SCNN1B: variants seen among roughly 807,000 people sequenced by gnomAD.
SCNN1B encodes epithelial sodium channel subunit beta.
A neutral mutation model predicts 65.3 loss-of-function variants in SCNN1B; 46 were observed. That is an observed-to-expected ratio of 0.70 (90% CI 0.56 to 0.90). The LOEUF (loss-of-function observed/expected upper bound fraction) is 0.90, where lower values mean the gene tolerates loss of function less well. SCNN1B is among the 40% of genes least tolerant of loss of function. The probability of loss-of-function intolerance (pLI) is 0.00; values close to 1 mark genes in which losing one functional copy is unlikely to be tolerated. For missense variants in SCNN1B, 751 were observed against 830.5 expected (o/e 0.90, Z 1.18); for synonymous variants, 349 against 330.6 (o/e 1.06, Z -0.60).
intron 4 of SCNN1B, among the ~76,000 whole-genome samples, chr16:23,365,902 G>A (rs1962659818): frequency 6.6e-6 from 1 of 152,240 alleles, no homozygotes; most frequent in South Asian, 2.1e-4. Flanking sequence ...TTCACAGCCT[G>A]TCCTGGACCC....
intron 1 of SCNN1B, among the ~76,000 whole-genome samples, chr16:23,343,930 G>T (rs900108513): frequency 1.3e-5 from 2 of 152,168 alleles, no homozygotes; most frequent in African/African-American, 4.8e-5. Context: ...CACCGTGGGG[G>T]TGAAATCTGA....
At chr16:23,351,919 C>A (rs1385621656) in intron 2 of SCNN1B, among the ~76,000 whole-genome samples, 6 of 152,204 alleles carry the variant, frequency 3.9e-5, no homozygotes, top group Non-Finnish European at 8.8e-5. Flanking sequence ...CCCACTGGAG[C>A]CCACCAAACC....
chr16:23,319,957 C>T (rs942365767), intron 1 of SCNN1B, among the ~76,000 whole-genome samples: 2 of 151,922 alleles, frequency 1.3e-5, no homozygotes, highest in Admixed American at 6.6e-5. Context: ...TTTGTAGTGA[C>T]GGGTGTCTCA....
At chr16:23,322,465 A>C (rs1050135666) in intron 1 of SCNN1B, among the ~76,000 whole-genome samples, 3 of 147,586 alleles carry the variant, frequency 2.0e-5, no homozygotes, top group African/African-American at 8.0e-5. Flanking sequence ...ATGCTTGGCT[A>C]ATTTTTTTTT....
chr16:23,308,463 C>A (rs1227809599), intron 1 of SCNN1B, among the ~76,000 whole-genome samples: 1 of 152,106 alleles, frequency 6.6e-6, no homozygotes, highest in Non-Finnish European at 1.5e-5. Flanking sequence ...TTTGAGGCTG[C>A]AGTGAGCCAT....
At chr16:23,323,732 C>CTAAG (rs1231996019) in intron 1 of SCNN1B, among the ~76,000 whole-genome samples, 1 of 152,124 alleles carries the variant, frequency 6.6e-6, no homozygotes, top group Non-Finnish European at 1.5e-5. Flanking sequence ...TAGAAGCCAG[C>CTAAG]TAAGGGTTGA....
chr16:23,329,521 G>A lies in SCNN1B; in HGVS notation c.-8-19071G>A, dbSNP rs142185520. ...TAATAAGAGCTGATGCACCCATAGTGCTGTGAACTACACATTGTTTTAAGC... is the reference window on the plus strand; with the variant it reads ...TAATAAGAGCTGATGCACCCATAGTACTGTGAACTACACATTGTTTTAAGC... On this transcript the variant is annotated intron_variant, in intron 1 of 12. Coordinates refer to ENST00000343070, the MANE Select transcript of SCNN1B (RefSeq NM_000336.3). Among the ~76,000 whole-genome samples the A allele has an allele frequency of 2.1e-3, 324 of 152,310 alleles. 2 individuals carry two copies. Among genetic ancestry groups the A allele is most frequent in the Non-Finnish European group, 3.6e-3 (244 of 68,032 alleles).
intron 4 of SCNN1B, 48 bp downstream of exon 4, chr16:23,355,537 C>T (rs747970994): frequency 1.3e-6 from 2 of 1,589,778 alleles, no homozygotes; most frequent in Non-Finnish European, 1.7e-6. Context: ...CACCGAGAGA[C>T]AGTGGCATGT....
intron 2 of SCNN1B, among the ~76,000 whole-genome samples, chr16:23,290,673 C>T (rs551756081): frequency 1.3e-5 from 2 of 152,154 alleles, no homozygotes; most frequent in South Asian, 2.1e-4. Flanking sequence ...TAAACCCCTA[C>T]GTGTAAAAAA....
chr16:23,337,543 A>G (rs1961969418), intron 1 of SCNN1B, among the ~76,000 whole-genome samples: 1 of 151,526 alleles, frequency 6.6e-6, no homozygotes, highest in African/African-American at 2.4e-5. Context: ...ATGCCCGGCT[A>G]ATTTTTGTAT....
chr16:23,322,284 A>G (rs897736669), intron 1 of SCNN1B, among the ~76,000 whole-genome samples: 1 of 152,064 alleles, frequency 6.6e-6, no homozygotes, highest in African/African-American at 2.4e-5. Flanking sequence ...TCGGAATGGC[A>G]TAAGCAATTT....
At chr16:23,291,310 G>A (rs1047281528) in intron 2 of SCNN1B, among the ~76,000 whole-genome samples, 6 of 151,970 alleles carry the variant, frequency 3.9e-5, no homozygotes, top group Non-Finnish European at 7.4e-5. Flanking sequence ...TGATCCACCT[G>A]CCTCAACCTC....
rs1349005914 is a variant in SCNN1B at position 23,375,777 on chromosome 16, A to T, written c.1192A>T (p.Asn398Tyr). The change falls in exon 8 of 13, where the codon AAC becomes TAC. Residue 398 changes from asparagine to tyrosine, a missense_variant. By Grantham distance (143) the Asn-to-Tyr change is moderately radical. Transcript: ENST00000343070. ...CTGCTTCCAAGACCACATGATCCGT[A>T]ACTGCAACTGTGGCCACTACCTGTA... ...RSCFQDHMIR[N>Y]CNCGHYLYPL... 3 of 1,614,102 alleles carry T rather than the reference A, an allele frequency of 1.9e-6. No individual in the cohort carries two copies. The highest frequency in any genetic ancestry group is 2.5e-6 in the Non-Finnish European group (3 of 1,179,978).
chr16:23,329,409 T>C (rs1459093996), intron 1 of SCNN1B, among the ~76,000 whole-genome samples: 1 of 152,210 alleles, frequency 6.6e-6, no homozygotes, highest in Non-Finnish European at 1.5e-5. Flanking sequence ...AACCACTGTA[T>C]CCAGCCTGTT....
At chr16:23,286,274 C>T (rs1037593398) in intron 2 of SCNN1B, among the ~76,000 whole-genome samples, 1 of 152,196 alleles carries the variant, frequency 6.6e-6, no homozygotes, top group Admixed American at 6.5e-5. Flanking sequence ...TTGACTCAGA[C>T]AATGATCATC....
chr16:23,318,919 C>G (rs530246313), intron 1 of SCNN1B, among the ~76,000 whole-genome samples: 7 of 152,322 alleles, frequency 4.6e-5, no homozygotes, highest in Non-Finnish European at 1.0e-4. Flanking sequence ...GTCAACATAA[C>G]CTTTTCATAG....
intron 4 of SCNN1B, chr16:23,358,497 AC>A (rs570917540): frequency 4.6e-5 from 7 of 152,270 alleles, no homozygotes; most frequent in Admixed American, 3.3e-4. Flanking sequence ...AGAGAACAAT[AC>A]CTACCCTACA....
intron 1 of SCNN1B, among the ~76,000 whole-genome samples, chr16:23,333,654 T>C (rs1486927210): frequency 6.6e-6 from 1 of 152,172 alleles, no homozygotes; most frequent in East Asian, 1.9e-4. Flanking sequence ...ACAGGTACTA[T>C]TATTCCCATT....
At chr16:23,333,197 G>GGAAGGAAA (rs1352626119) in intron 1 of SCNN1B, among the ~76,000 whole-genome samples, 1 of 115,764 alleles carries the variant, frequency 8.6e-6, no homozygotes, top group Non-Finnish European at 1.8e-5. Flanking sequence ...AAGGAAGGAA[G>GGAAGGAAA]GAAGGAAGGA....
Sources: allele counts gnomAD v4.1 joint callset (sites outside exome capture counted in the v4.1 genomes callset), GRCh38; gene constraint gnomAD v4.1.1; transcripts MANE v1.5; gene names NCBI Gene and HGNC (gene_info 2026-07-23, HGNC 2026-07-21).